Variants in GMDS observed in about 807,000 individuals in gnomAD.
The protein encoded by GMDS is GDP-mannose 4,6-dehydratase.
A neutral mutation model predicts 49.9 loss-of-function variants in GMDS; 20 were observed. The ratio of observed to expected loss-of-function variants is 0.40; its 90% CI spans 0.28 to 0.58. GMDS has a LOEUF of 0.58. Among genes scored for constraint, GMDS ranks in the 20% least tolerant of loss-of-function variants. The pLI, the probability that GMDS is intolerant of heterozygous loss-of-function variation, is 0.42. For synonymous variants in GMDS, 177 were observed against 178.6 expected (o/e 0.99, Z 0.07); for missense variants, 362 against 481.4 (o/e 0.75, Z 2.32).
chr6:2,089,721 T>TA (rs1388141582), intron 4 of GMDS, among the ~76,000 whole-genome samples: 5 of 152,318 alleles, frequency 3.3e-5, no homozygotes, highest in South Asian at 2.1e-4. Flanking sequence ...ACCTAGGACT[T>TA]ACACAAGTTC....
At chr6:1,686,732 C>T (rs1471349220) in intron 9 of GMDS, among the ~76,000 whole-genome samples, 1 of 152,130 alleles carries the variant, frequency 6.6e-6, no homozygotes, top group African/African-American at 2.4e-5. Flanking sequence ...TCACAGTGCA[C>T]AGTACATTAA....
At chr6:2,056,021 T>C (rs917328269) in intron 4 of GMDS, among the ~76,000 whole-genome samples, 5 of 152,174 alleles carry the variant, frequency 3.3e-5, no homozygotes, top group Non-Finnish European at 7.4e-5. Flanking sequence ...CATAAATGAA[T>C]GTAAGACATC....
At position 2,182,561 on chromosome 6, in the gene GMDS, C is replaced by T. The variant is rs184857145; in HGVS notation, c.103-57830G>A. 2.0e-5 allele frequency among the ~76,000 whole-genome samples: 3 copies of T among 152,296 alleles called. No individual in the cohort carries two copies. In the East Asian group the frequency reaches 5.8e-4, roughly 29 times the overall value. ...GTGAGCCAGTGTTTATTTGCAATTC[C>T]AAAAATTATAAGGCCCTTAAGAATT... On this transcript the variant is annotated intron_variant, in intron 1 of 10. Coordinates refer to ENST00000380815, the MANE Select transcript of GMDS (RefSeq NM_001500.4).
At chr6:2,219,607 G>A (rs1561666628) in intron 1 of GMDS, among the ~76,000 whole-genome samples, 1 of 152,080 alleles carries the variant, frequency 6.6e-6, no homozygotes, top group East Asian at 1.9e-4. Flanking sequence ...TCAGGAACTT[G>A]CTATAAAAGC....
chr6:1,916,714 C>T (rs1258169369), intron 7 of GMDS, among the ~76,000 whole-genome samples: 4 of 152,118 alleles, frequency 2.6e-5, no homozygotes, highest in Non-Finnish European at 4.4e-5. Flanking sequence ...AGCAAACCCA[C>T]AATTCATTAG....
intron 1 of GMDS, among the ~76,000 whole-genome samples, chr6:2,200,870 A>G (rs1471775300): frequency 4.2e-5 from 6 of 144,050 alleles, no homozygotes; most frequent in South Asian, 2.4e-4. Context: ...AGAGAGGTGA[A>G]GGATGAAGAG....
At chr6:2,140,730 T>C (rs867761746) in intron 1 of GMDS, among the ~76,000 whole-genome samples, 10 of 152,244 alleles carry the variant, frequency 6.6e-5, no homozygotes, top group African/African-American at 2.2e-4. Context: ...CAAGTAAGTC[T>C]GAACTTTATT....
chr6:1,732,258 C>T (rs542910614), intron 8 of GMDS, among the ~76,000 whole-genome samples: 112 of 152,190 alleles, frequency 7.4e-4, no homozygotes, highest in Admixed American at 1.4e-3. Context: ...ACCCAGGAGG[C>T]GGAGGTTGCA....
chr6:1,910,707 C>T (rs1761008242), intron 7 of GMDS, among the ~76,000 whole-genome samples: 1 of 152,128 alleles, frequency 6.6e-6, no homozygotes, highest in Admixed American at 6.5e-5. Flanking sequence ...CAGTCACCAA[C>T]CTCACCATGA....
chr6:1,623,902 G>A lies in GMDS; in HGVS notation c.*267C>T. 2.1e-6 allele frequency: 1 copy of A among 466,582 alleles called. No individual in the cohort carries two copies. Among genetic ancestry groups the A allele is most frequent in the Non-Finnish European group, 3.8e-6 (1 of 264,622 alleles). The allele number at this position is 466,582 out of a possible 1,614,324, so 28.9% of individuals were successfully genotyped here. ...GTAACAACATAATTTCAAGTAAAGT[G>A]AATGTGATTAAAACATCTTGATTTC... On this transcript the variant is annotated 3_prime_UTR_variant, in exon 11 of 11. Coordinates refer to ENST00000380815, the MANE Select transcript of GMDS (RefSeq NM_001500.4).
intron 4 of GMDS, among the ~76,000 whole-genome samples, chr6:2,034,332 A>G (rs567871250): frequency 6.6e-6 from 1 of 152,312 alleles, no homozygotes; most frequent in South Asian, 2.1e-4. Flanking sequence ...TTCCATTTAC[A>G]TGAAACGTCT....
intron 1 of GMDS, among the ~76,000 whole-genome samples, chr6:2,156,597 G>A (rs75118472): frequency 0.033 from 5,002 of 152,030 alleles, 289 homozygotes; most frequent in African/African-American, 0.11. Flanking sequence ...GTGATACTTT[G>A]TTTTAAGAAA....
In GMDS at chr6:2,191,312, C is replaced by T. The variant is rs1046038852; in HGVS notation, c.102+54009G>A. On this transcript the variant is annotated intron_variant, in intron 1 of 10. Transcript: ENST00000380815. The surrounding 1 kb of genome is among the most constrained non-coding windows in gnomAD (Gnocchi z 4.6). ...AGGCTGCCCCTGAGTGCGGGGGCCA[C>T]GGGGGAGCTCACAGTGATGTCCCTG... 5.3e-5 allele frequency among the ~76,000 whole-genome samples: 8 copies of T among 152,046 alleles called. No homozygotes were observed. Among genetic ancestry groups the T allele is most frequent in the Admixed American group, 1.3e-4 (2 of 15,274 alleles).
chr6:1,855,104 G>A (rs909048056), intron 7 of GMDS, among the ~76,000 whole-genome samples: 14 of 152,174 alleles, frequency 9.2e-5, no homozygotes, highest in Admixed American at 9.2e-4. Flanking sequence ...CAAATAGAGA[G>A]AGCTAACTCC....
intron 4 of GMDS, among the ~76,000 whole-genome samples, chr6:2,018,842 G>A (rs1768067636): frequency 6.6e-6 from 1 of 151,958 alleles, no homozygotes; most frequent in Admixed American, 6.6e-5. Flanking sequence ...TTTCTTTGGG[G>A]TATATATCTA....
chr6:1,721,907 T>TA (rs1048980636), intron 9 of GMDS, among the ~76,000 whole-genome samples: 29 of 152,088 alleles, frequency 1.9e-4, no homozygotes, highest in African/African-American at 6.0e-4. Context: ...TGAAAACCAA[T>TA]AAAAAAATGA....
intron 1 of GMDS, among the ~76,000 whole-genome samples, chr6:2,157,700 G>A (rs1428842422): frequency 6.6e-6 from 1 of 152,198 alleles, no homozygotes; most frequent in East Asian, 1.9e-4. Context: ...TCTTGCATCA[G>A]CCAGAGATGA....
At chr6:1,923,872 G>C (rs774783056) in intron 7 of GMDS, among the ~76,000 whole-genome samples, 40 of 152,322 alleles carry the variant, frequency 2.6e-4, no homozygotes, top group South Asian at 8.3e-4. Context: ...GAAAGGACTG[G>C]GCAGCAGTGG....
At chr6:1,801,710 C>A (rs1769957141) in intron 7 of GMDS, among the ~76,000 whole-genome samples, 1 of 152,238 alleles carries the variant, frequency 6.6e-6, no homozygotes, top group Non-Finnish European at 1.5e-5. Flanking sequence ...GGCACAAGCC[C>A]CACATTTTTC....
Sources: gnomAD v4.1 joint callset for allele counts (sites outside exome capture counted in the v4.1 genomes callset) on GRCh38, gnomAD v4.1.1 for gene constraint, Gnocchi (gnomAD v3.1) non-coding constraint, MANE v1.5 for transcripts, NCBI Gene and HGNC (gene_info 2026-07-23, HGNC 2026-07-21) for gene names.